The following PAPOLG variants were observed in gnomAD, a reference collection of about 807,000 sequenced individuals.
The protein encoded by PAPOLG is poly(A) polymerase gamma.
PAPOLG carries 40 observed loss-of-function variants against 99.0 expected under a neutral mutation model. That is an observed-to-expected ratio of 0.40 (90% CI 0.31 to 0.53). The LOEUF (loss-of-function observed/expected upper bound fraction) is 0.53. Ranked by LOEUF, PAPOLG falls within the 20% of genes least tolerant of loss-of-function variation. PAPOLG has a pLI of 0.41. For synonymous variants in PAPOLG, 310 were observed against 299.3 expected (o/e 1.04, Z -0.37); for missense variants, 675 against 884.1 (o/e 0.76, Z 3.00).
intron 11 of PAPOLG, among the ~76,000 whole-genome samples, chr2:60,782,297 T>C (rs1226166484): frequency 6.6e-6 from 1 of 152,200 alleles, no homozygotes; most frequent in African/African-American, 2.4e-5. Context: ...CCGGGCGCGA[T>C]GGCTCATGCC....
intron 3 of PAPOLG, 143 bp from the exon 4 acceptor site, chr2:60,768,327 C>T (rs1670746408): frequency 8.5e-6 from 6 of 709,124 alleles, no homozygotes; most frequent in Non-Finnish European, 1.4e-5. Context: ...GTCTTGAACT[C>T]CTGACCTCAG....
intron 8 of PAPOLG, among the ~76,000 whole-genome samples, chr2:60,776,418 ATTTTTTTTTTTTTT>A (rs70959863): frequency 2.3e-5 from 2 of 85,868 alleles, no homozygotes; most frequent in African/African-American, 9.8e-5. Context: ...CATTGGCTTC[ATTTTTTTTTTTTTT>A]TTTTTTTTTT....
intron 10 of PAPOLG, 127 bp downstream of exon 10, chr2:60,780,906 C>T (rs1671168528): frequency 1.4e-6 from 1 of 710,004 alleles, no homozygotes; most frequent in Non-Finnish European, 2.4e-6. Flanking sequence ...AGTCCCCTTC[C>T]TCCTTCTGCT....
Position 60,794,200 on chromosome 2 carries a change from A to G in PAPOLG, c.1989+9A>G, listed in dbSNP as rs369473799. On this transcript the variant is annotated intron_variant, in intron 19 of 21. Coordinates refer to ENST00000238714, the MANE Select transcript of PAPOLG (RefSeq NM_022894.4). ...TGAAAGACGTAGAAAAGGTAAAGTTACAACTTTAGTGGTAATTCAGTAGTT... is the reference window on the plus strand; with the variant it reads ...TGAAAGACGTAGAAAAGGTAAAGTTGCAACTTTAGTGGTAATTCAGTAGTT... 1.1e-5 allele frequency: 18 copies of G among 1,607,870 alleles called. No homozygotes were observed. In the African/African-American group the frequency reaches 2.0e-4, roughly 18 times the overall value.
chr2:60,786,902 A>G (rs975086519), intron 13 of PAPOLG, 45 bp from the exon 14 acceptor site: 3 of 1,576,164 alleles, frequency 1.9e-6, no homozygotes, highest in Non-Finnish European at 2.6e-6. Flanking sequence ...TAGCTTTCAA[A>G]TTTAAAGTGG....
At chr2:60,793,275 G>A (rs376066459) in intron 17 of PAPOLG, among the ~76,000 whole-genome samples, 9 of 151,210 alleles carry the variant, frequency 6.0e-5, no homozygotes, top group African/African-American at 2.2e-4. Flanking sequence ...TAACTAATGG[G>A]GCCAGGCGTG....
intron 13 of PAPOLG, 26 bp downstream of exon 13, chr2:60,783,235 A>G (rs745554065): frequency 1.1e-4 from 154 of 1,451,118 alleles, no homozygotes; most frequent in Non-Finnish European, 1.4e-4. Context: ...CAAGTTTTCT[A>G]CCTACTGTGT....
intron 3 of PAPOLG, among the ~76,000 whole-genome samples, chr2:60,763,782 G>A (rs988313302): frequency 2.0e-5 from 3 of 151,448 alleles, no homozygotes. Context: ...GGGATTACAG[G>A]TGTGAGCCAT....
chr2:60,756,302 A>G lies in PAPOLG; in HGVS notation c.-177A>G. 5 of 742,484 alleles carry G rather than the reference A, an allele frequency of 6.7e-6. No individual in the cohort carries two copies. The South Asian group carries it at 8.0e-5, about 12-fold the overall frequency. 46.0% of individuals were successfully genotyped at this position (742,484 alleles called of 1,614,324 possible). ...GGCCGCGCTGTATTGTCATAAATAG[A>G]GCCGGTTTTGTGGTGTTTTCACTAC... On this transcript the variant is annotated 5_prime_UTR_variant, in exon 1 of 22. Transcript: ENST00000238714.
chr2:60,770,691 A>G (rs1008770015), intron 6 of PAPOLG, among the ~76,000 whole-genome samples, 180 bp downstream of exon 6: 2 of 151,946 alleles, frequency 1.3e-5, no homozygotes, highest in Admixed American at 6.6e-5. Flanking sequence ...TGACACAATC[A>G]TAGCTCACTG....
intron 3 of PAPOLG, among the ~76,000 whole-genome samples, chr2:60,764,966 TGGAA>T (rs760024420): frequency 6.6e-5 from 10 of 152,178 alleles, no homozygotes; most frequent in Admixed American, 1.3e-4. Flanking sequence ...TCTGAGCAGA[TGGAA>T]ATGCTAGTGA....
rs920791712 is a variant in PAPOLG, at chr2:60,787,435, T to C, written c.1287-76T>C. ...GAGATAGAGACATAGAGACCAAGTT[T>C]TAATTATGAAATAGCATCTGTAAAG... is the stretch of plus-strand genomic sequence containing the variant. On this transcript the variant is annotated intron_variant, in intron 14 of 21. Coordinates refer to ENST00000238714, the MANE Select transcript of PAPOLG (RefSeq NM_022894.4). 1.2e-4 allele frequency: 183 copies of C among 1,488,508 alleles called. 2 individuals carry two copies. The South Asian group carries it at 2.3e-3, about 19-fold the overall frequency. The allele number at this position is 1,488,508 out of a possible 1,614,324, so 92.2% of individuals were successfully genotyped here. A position where few individuals can be genotyped will look rare whatever the true frequency, so the allele number is the denominator to read the frequency against.
intron 10 of PAPOLG, 110 bp downstream of exon 10, chr2:60,780,889 T>A: frequency 1.1e-6 from 1 of 899,504 alleles, no homozygotes; most frequent in Non-Finnish European, 1.8e-6. Context: ...TCCTTCTATA[T>A]AACTATAGTC....
intron 15 of PAPOLG, among the ~76,000 whole-genome samples, chr2:60,789,779 T>C (rs1339325835): frequency 1.3e-5 from 2 of 152,210 alleles, no homozygotes; most frequent in Non-Finnish European, 2.9e-5. Context: ...GAAAGAGCCC[T>C]CATATTTATC....
At chr2:60,789,347 A>AAAAT (rs765698341) in intron 15 of PAPOLG, among the ~76,000 whole-genome samples, 2 of 151,514 alleles carry the variant, frequency 1.3e-5, no homozygotes, top group Admixed American at 6.6e-5. Flanking sequence ...AATAAAATAG[A>AAAAT]AAATAAATAA....
chr2:60,793,911 C>G, intron 18 of PAPOLG, 60 bp from the exon 19 acceptor site: 1 of 1,534,804 alleles, frequency 6.5e-7, no homozygotes, highest in Non-Finnish European at 8.9e-7. Flanking sequence ...GAGACCCTGT[C>G]TCAAGGAAAA....
intron 2 of PAPOLG, among the ~76,000 whole-genome samples, chr2:60,761,305 T>C (rs184962654): frequency 1.3e-5 from 2 of 152,328 alleles, no homozygotes; most frequent in Admixed American, 6.5e-5. Context: ...TTTAATACTA[T>C]TAGACAGAAA....
At chr2:60,762,510 C>T (rs1254247961) in intron 3 of PAPOLG, among the ~76,000 whole-genome samples, 1 of 152,050 alleles carries the variant, frequency 6.6e-6, no homozygotes, top group Non-Finnish European at 1.5e-5. Context: ...TGCATGTTAC[C>T]TTTTCAGATC....
intron 12 of PAPOLG, 21 bp downstream of exon 12, chr2:60,782,791 T>C: frequency 6.5e-7 from 1 of 1,546,044 alleles, no homozygotes; most frequent in Non-Finnish European, 8.7e-7. Flanking sequence ...TTTTGTATTT[T>C]GTATGTATGT....
Sources: allele counts gnomAD v4.1 joint callset (sites outside exome capture counted in the v4.1 genomes callset), GRCh38; gene constraint gnomAD v4.1.1; transcripts MANE v1.5; gene names NCBI Gene and HGNC (gene_info 2026-07-23, HGNC 2026-07-21).